PHTF1: variants seen among roughly 807,000 people sequenced by gnomAD.
PHTF1 encodes protein PHTF1.
PHTF1 carries 88 observed loss-of-function variants against 102.4 expected under a neutral mutation model. The ratio of observed to expected loss-of-function variants is 0.86; its 90% CI spans 0.72 to 1.03. The LOEUF is 1.03. Ranked by LOEUF, PHTF1 falls within the 50% of genes least tolerant of loss-of-function variation. The pLI, the probability that PHTF1 is intolerant of heterozygous loss-of-function variation, is 0.00. For missense variants in PHTF1, 814 were observed against 909.5 expected (o/e 0.89, Z 1.35); for synonymous variants, 289 against 305.2 (o/e 0.95, Z 0.55).
chr1:113,751,719 G>A (rs1658107298), intron 3 of PHTF1, among the ~76,000 whole-genome samples: 1 of 152,136 alleles, frequency 6.6e-6, no homozygotes, highest in African/African-American at 2.4e-5. Flanking sequence ...AAATATAGTA[G>A]ATACCCTAAA....
At chr1:113,749,752 G>C (rs1467489078) in intron 3 of PHTF1, among the ~76,000 whole-genome samples, 1 of 152,208 alleles carries the variant, frequency 6.6e-6, no homozygotes, top group Non-Finnish European at 1.5e-5. Flanking sequence ...TCTTTCAGAA[G>C]TTAATTACAG....
chr1:113,699,426 A>G, intron 17 of PHTF1: 1 of 579,132 alleles, frequency 1.7e-6, no homozygotes, highest in Admixed American at 2.2e-5. Context: ...GAGAAGAGGC[A>G]GATCTCCTCC....
Position 113,703,554 on chromosome 1 carries a change from C to T in PHTF1, c.1890+527G>A, listed in dbSNP as rs116312719. Reference sequence around the variant, plus strand: ...TTCTTTTTTTTTCATGGAGATGGGTCCTCATTATGTTGCCCAGGTTGGTCT... The same window carrying T: ...TTCTTTTTTTTTCATGGAGATGGGTTCTCATTATGTTGCCCAGGTTGGTCT... On this transcript the variant is annotated intron_variant, in intron 15 of 18. Coordinates refer to ENST00000369604, the MANE Select transcript of PHTF1 (RefSeq NM_001323043.2). Among the ~76,000 whole-genome samples, 515 of 151,606 alleles carry T rather than the reference C, an allele frequency of 3.4e-3. 2 individuals carry two copies. Among genetic ancestry groups the T allele is most frequent in the Non-Finnish European group, 6.0e-3 (405 of 67,874 alleles).
At position 113,738,173 on chromosome 1, in the gene PHTF1, A is replaced by T; in HGVS notation, c.268T>A (p.Trp90Arg). The part of the protein sequence containing the change: ...RVVFFPLFSN[W>R]WIQVTSLRIF... ...CTTAAAGAGGTAACCTGAATCCACC[A>T]ATTGCTGAACAATGGAAAAAATACA... The change falls in exon 5 of 19, where the codon TGG becomes AGG. Residue 90 changes from tryptophan (W) to arginine (R), a missense_variant. Transcript: ENST00000369604. 1 of 1,612,844 alleles carries T rather than the reference A, an allele frequency of 6.2e-7. No homozygotes were observed.
chr1:113,708,423 C>T (rs1257680234), intron 11 of PHTF1, among the ~76,000 whole-genome samples: 1 of 152,122 alleles, frequency 6.6e-6, no homozygotes, highest in Non-Finnish European at 1.5e-5. Flanking sequence ...GTCAGGAGTT[C>T]GAGACCAGCC....
intron 3 of PHTF1, among the ~76,000 whole-genome samples, chr1:113,756,181 A>G (rs1658850216): frequency 6.6e-6 from 1 of 152,168 alleles, no homozygotes; most frequent in Non-Finnish European, 1.5e-5. Context: ...TGCTGTTTCC[A>G]TTACACCATA....
Position 113,753,691 on chromosome 1 carries a change from T to C in PHTF1, c.102+4008A>G, listed in dbSNP as rs1362377332. 2.6e-5 allele frequency among the ~76,000 whole-genome samples: 4 copies of C among 151,978 alleles called. No individual in the cohort carries two copies. The South Asian group carries it at 6.2e-4, about 24-fold the overall frequency. On this transcript the variant is annotated intron_variant, in intron 3 of 18. Coordinates refer to ENST00000369604, the MANE Select transcript of PHTF1 (RefSeq NM_001323043.2). Reference sequence around the variant, plus strand: ...AATCTGCCTGCCTCGGCCTCCCTGCTAGGATTACAGGCATCAGCCACCGTG... The same window carrying C: ...AATCTGCCTGCCTCGGCCTCCCTGCCAGGATTACAGGCATCAGCCACCGTG...
intron 11 of PHTF1, among the ~76,000 whole-genome samples, chr1:113,708,596 G>A (rs1043113567): frequency 8.5e-5 from 13 of 152,054 alleles, no homozygotes; most frequent in Non-Finnish European, 1.9e-4. Context: ...TTGTGCCAGT[G>A]TACTCCAGCC....
chr1:113,723,654 A>G (rs1376348384), intron 7 of PHTF1, among the ~76,000 whole-genome samples: 1 of 152,206 alleles, frequency 6.6e-6, no homozygotes, highest in Non-Finnish European at 1.5e-5. Flanking sequence ...TAAACCTAGG[A>G]CCCCAAACTA....
intron 16 of PHTF1, 44 bp from the exon 17 acceptor site, chr1:113,699,843 AT>A: frequency 2.5e-6 from 2 of 791,562 alleles, no homozygotes; most frequent in Non-Finnish European, 2.1e-6. Context: ...TTGGAAAAAA[AT>A]ATATATACTG....
At chr1:113,698,522 C>CA (rs1456759910) in intron 17 of PHTF1, 135 bp from the exon 18 acceptor site, 2 of 693,274 alleles carry the variant, frequency 2.9e-6, no homozygotes, top group Non-Finnish European at 4.7e-6. Flanking sequence ...GAGCTACCTT[C>CA]AAAAAATCCA....
intron 5 of PHTF1, 71 bp downstream of exon 5, chr1:113,738,039 A>T: frequency 9.7e-7 from 1 of 1,026,152 alleles, no homozygotes; most frequent in Non-Finnish European, 1.5e-6. Flanking sequence ...TAAAATCAGT[A>T]GGTCTTCATT....
At chr1:113,743,144 G>A (rs186612446) in intron 3 of PHTF1, among the ~76,000 whole-genome samples, 15 of 152,006 alleles carry the variant, frequency 9.9e-5, no homozygotes, top group African/African-American at 3.4e-4. Flanking sequence ...TTAGCTTACT[G>A]TAATGTTTTT....
intron 3 of PHTF1, among the ~76,000 whole-genome samples, chr1:113,744,744 C>A (rs375846839): frequency 9.2e-5 from 14 of 152,126 alleles, no homozygotes; most frequent in African/African-American, 3.1e-4. Flanking sequence ...GACCTCAGGG[C>A]GACCAGCCTG....
At chr1:113,756,319 A>G (rs1658873278) in intron 3 of PHTF1, among the ~76,000 whole-genome samples, 1 of 152,214 alleles carries the variant, frequency 6.6e-6, no homozygotes, top group African/African-American at 2.4e-5. Context: ...ATCAAGGACT[A>G]TACCAAATTG....
intron 7 of PHTF1, among the ~76,000 whole-genome samples, chr1:113,721,848 C>T (rs944224847): frequency 2.0e-5 from 3 of 151,812 alleles, no homozygotes; most frequent in African/African-American, 7.3e-5. Context: ...CGCCACCACG[C>T]CCGGCTAATT....
rs1655314263 is a variant in PHTF1 at position 113,735,364 on chromosome 1, T to TC, written c.331+2745dup. Among the ~76,000 whole-genome samples, 6 of 3,894 alleles carry TC rather than the reference T, an allele frequency of 1.5e-3. 1 individual carries two copies. The South Asian group carries it at 0.045, about 30-fold the overall frequency. 2.6% of individuals were successfully genotyped at this position (3,894 alleles called of 152,430 possible). A position where few individuals can be genotyped will look rare whatever the true frequency, so the allele number is the denominator to read the frequency against. On this transcript the variant is annotated intron_variant, in intron 5 of 18. Transcript: ENST00000369604. ...CTGGACAACAGAATGAGACTCTGTC[T>TC]CAAAAAAAAAAAAAAAAAAAAAAAA...
At chr1:113,739,017 A>C (rs1050204334) in intron 3 of PHTF1, among the ~76,000 whole-genome samples, 4 of 152,030 alleles carry the variant, frequency 2.6e-5, no homozygotes, top group Admixed American at 6.6e-5. Context: ...AAGCCCGGCT[A>C]ATTTTTTGTA....
At chr1:113,739,426 T>C (rs1417189913) in intron 3 of PHTF1, among the ~76,000 whole-genome samples, 2 of 152,136 alleles carry the variant, frequency 1.3e-5, no homozygotes, top group African/African-American at 2.4e-5. Flanking sequence ...CAAAAACAAA[T>C]AACTTCCATC....
Sources: allele counts gnomAD v4.1 joint callset (sites outside exome capture counted in the v4.1 genomes callset), GRCh38; gene constraint gnomAD v4.1.1; transcripts MANE v1.5; gene names NCBI Gene and HGNC (gene_info 2026-07-23, HGNC 2026-07-21).